The following RERE variants were observed in gnomAD, a reference collection of about 807,000 sequenced individuals.
The protein encoded by RERE is arginine-glutamic acid dipeptide repeats protein.
RERE carries 40 observed loss-of-function variants against 146.1 expected under a neutral mutation model. The ratio of observed to expected loss-of-function variants is 0.27; its 90% confidence interval spans 0.21 to 0.36. RERE has a LOEUF of 0.36. Among genes scored for constraint, RERE ranks in the 10% least tolerant of loss-of-function variants. RERE has a pLI of 1.00. For synonymous variants in RERE, 1,003 were observed against 866.0 expected (o/e 1.16, Z -2.78); for missense variants, 1,933 against 2,138.7 (o/e 0.90, Z 1.90).
chr1:8,421,013 A>G (rs1165300878), intron 12 of RERE, among the ~76,000 whole-genome samples: 2 of 152,252 alleles, frequency 1.3e-5, no homozygotes, highest in Admixed American at 1.3e-4. Flanking sequence ...CTACGGAGAT[A>G]AAACACTAAG....
chr1:8,697,033 A>T (rs1236266735), intron 1 of RERE, among the ~76,000 whole-genome samples: 1 of 152,260 alleles, frequency 6.6e-6, no homozygotes, highest in Non-Finnish European at 1.5e-5. Flanking sequence ...CACCCAACAC[A>T]CTTAAGAGTA....
At chr1:8,377,844 C>G (rs533427301) in intron 12 of RERE, among the ~76,000 whole-genome samples, 2 of 152,248 alleles carry the variant, frequency 1.3e-5, no homozygotes, top group East Asian at 3.9e-4. Flanking sequence ...TCAGTTATAT[C>G]TGTGCATTTC....
At chr1:8,616,892 A>G (rs1646858090) in intron 3 of RERE, among the ~76,000 whole-genome samples, 1 of 152,212 alleles carries the variant, frequency 6.6e-6, no homozygotes, top group Admixed American at 6.5e-5. Context: ...ATTTCCACTT[A>G]TGTTAATACC....
chr1:8,684,731 C>T (rs1483909422), intron 1 of RERE, among the ~76,000 whole-genome samples: 2 of 152,260 alleles, frequency 1.3e-5, no homozygotes, highest in African/African-American at 2.4e-5. Flanking sequence ...GAGAAGCCTT[C>T]CTGTCACCAC....
chr1:8,793,560 T>C (rs1205602866), intron 1 of RERE, among the ~76,000 whole-genome samples: 1 of 152,172 alleles, frequency 6.6e-6, no homozygotes, highest in African/African-American at 2.4e-5. Flanking sequence ...GGTAAAAATA[T>C]GGCCGCTTCC....
At chr1:8,752,643 A>G (rs1256636943) in intron 1 of RERE, among the ~76,000 whole-genome samples, 1 of 152,206 alleles carries the variant, frequency 6.6e-6, no homozygotes, top group African/African-American at 2.4e-5. Context: ...AAGGTTTCTT[A>G]AAACCTTGTG....
chr1:8,518,645 A>G (rs1346251894), intron 7 of RERE, among the ~76,000 whole-genome samples: 1 of 152,218 alleles, frequency 6.6e-6, no homozygotes, highest in East Asian at 1.9e-4. Flanking sequence ...GTGAGGTAGG[A>G]GTGAAAGCGA....
chr1:8,661,179 A>AAGG (rs1638448770), intron 1 of RERE, among the ~76,000 whole-genome samples: 1 of 152,232 alleles, frequency 6.6e-6, no homozygotes, highest in Non-Finnish European at 1.5e-5. Context: ...AGAGAAAGCC[A>AAGG]AGGACACATG....
chr1:8,637,075 T>A (rs1303317391), intron 2 of RERE, among the ~76,000 whole-genome samples: 1 of 152,196 alleles, frequency 6.6e-6, no homozygotes, highest in East Asian at 1.9e-4. Context: ...CTAATTTTTT[T>A]AAACAGAAAA....
At chr1:8,410,403 A>G (rs984618322) in intron 12 of RERE, among the ~76,000 whole-genome samples, 2 of 152,212 alleles carry the variant, frequency 1.3e-5, no homozygotes, top group African/African-American at 4.8e-5. Context: ...ACAGGCCCAC[A>G]TGAAGAGCCT....
rs1419346227 is a variant in RERE at position 8,656,425 on chromosome 1, CCAA to C, written c.-131_-129del. On this transcript the variant is annotated 5_prime_UTR_variant, in exon 2 of 23. Coordinates refer to ENST00000400908, the MANE Select transcript of RERE (RefSeq NM_001042681.2). ...GGAAAATCCAACCACTCCAACAACC[CCAA>C]CGTTTCAAAAATGCTAGGAGAGAAA... 7.9e-7 allele frequency: 1 copy of C among 1,268,680 alleles called. No homozygotes were observed. Among genetic ancestry groups the C allele is most frequent in the Non-Finnish European group, 1.1e-6 (1 of 922,262 alleles). 78.6% of individuals were successfully genotyped at this position (1,268,680 alleles called of 1,614,324 possible).
chr1:8,557,582 T>C, intron 4 of RERE, 59 bp from the exon 5 acceptor site: 1 of 1,125,194 alleles, frequency 8.9e-7, no homozygotes, highest in Admixed American at 1.7e-5. Context: ...CAAGTGCATA[T>C]CATACCCATG....
At chr1:8,392,633 G>A (rs1048984450) in intron 12 of RERE, among the ~76,000 whole-genome samples, 3 of 151,972 alleles carry the variant, frequency 2.0e-5, no homozygotes, top group African/African-American at 7.3e-5. Flanking sequence ...CCTGAAGTAC[G>A]CATAACTCAC....
At chr1:8,551,226 C>G (rs1292000086) in intron 6 of RERE, among the ~76,000 whole-genome samples, 2 of 152,224 alleles carry the variant, frequency 1.3e-5, no homozygotes, top group Non-Finnish European at 2.9e-5. Context: ...GTGCTGCCCT[C>G]CACAATCAAT....
chr1:8,660,582 C>T (rs1396750694), intron 1 of RERE, among the ~76,000 whole-genome samples: 4 of 152,208 alleles, frequency 2.6e-5, no homozygotes, highest in Non-Finnish European at 5.9e-5. Context: ...GCAGCTGTCT[C>T]AGAGCTCAAC....
chr1:8,546,811 A>G (rs1433305362), intron 6 of RERE, among the ~76,000 whole-genome samples: 6 of 151,766 alleles, frequency 4.0e-5, no homozygotes, highest in Non-Finnish European at 2.9e-5. Flanking sequence ...TGGCGCCACT[A>G]CAAGGATGGG....
intron 11 of RERE, among the ~76,000 whole-genome samples, chr1:8,453,760 C>G (rs1644416720): frequency 6.6e-6 from 1 of 152,076 alleles, no homozygotes; most frequent in African/African-American, 2.4e-5. Flanking sequence ...GAGCTGAGAT[C>G]ACACCATTGC....
At chr1:8,623,377 G>C (rs1234707942) in intron 3 of RERE, among the ~76,000 whole-genome samples, 1 of 152,166 alleles carries the variant, frequency 6.6e-6, no homozygotes, top group African/African-American at 2.4e-5. Context: ...CTTGTTTCCG[G>C]GAGGCAGAGG....
chr1:8,472,993 C>G (rs1557647710), intron 10 of RERE, among the ~76,000 whole-genome samples: 1 of 152,102 alleles, frequency 6.6e-6, no homozygotes, highest in Non-Finnish European at 1.5e-5. Context: ...AGGTTAAGAC[C>G]TAGGATTTAT....
Sources: allele counts gnomAD v4.1 joint callset (sites outside exome capture counted in the v4.1 genomes callset), GRCh38; gene constraint gnomAD v4.1.1; transcripts MANE v1.5; gene names NCBI Gene and HGNC (gene_info 2026-07-23, HGNC 2026-07-21).